Variants in PDK3 observed in about 807,000 individuals in gnomAD.
The protein encoded by PDK3 is pyruvate dehydrogenase kinase, isozyme 3.
A neutral mutation model predicts 32.0 loss-of-function variants in PDK3; 12 were observed. That is an observed-to-expected ratio of 0.37 (90% CI 0.24 to 0.61). The LOEUF (loss-of-function observed/expected upper bound fraction) is 0.61, where lower values mean the gene tolerates loss of function less well. Among genes scored for constraint, PDK3 ranks in the 20% least tolerant of loss-of-function variants. PDK3 has a pLI of 0.65. For synonymous variants in PDK3, 122 were observed against 116.3 expected (o/e 1.05, Z -0.31); for missense variants, 188 against 316.9 (o/e 0.59, Z 3.09).
chrX:24,467,354 A>G (rs1247762600), intron 1 of PDK3, among the ~76,000 whole-genome samples: 1 of 112,842 alleles, frequency 8.9e-6, no homozygotes, highest in Non-Finnish European at 1.9e-5. Flanking sequence ...AGGAAGAGGC[A>G]TGAACTTTCT....
chrX:24,520,358 C>T (rs772755434), intron 6 of PDK3, among the ~76,000 whole-genome samples: 7 of 111,563 alleles, frequency 6.3e-5, no homozygotes, highest in Non-Finnish European at 9.4e-5. Flanking sequence ...CTATGCAGCC[C>T]TTTGAAATAA....
intron 1 of PDK3, among the ~76,000 whole-genome samples, chrX:24,485,750 C>T (rs1487739908): frequency 9.0e-6 from 1 of 111,516 alleles, no homozygotes; most frequent in Non-Finnish European, 1.9e-5. Flanking sequence ...GTATTAGCGC[C>T]CACTGAAAAG....
chrX:24,478,477 A>G (rs1376163793), intron 1 of PDK3, among the ~76,000 whole-genome samples: 1 of 111,355 alleles, frequency 9.0e-6, no homozygotes, highest in East Asian at 2.8e-4. Flanking sequence ...CAAACAAAGG[A>G]AAAACTAGCA....
At chrX:24,471,701 G>A (rs975937846) in intron 1 of PDK3, among the ~76,000 whole-genome samples, 8 of 111,961 alleles carry the variant, frequency 7.1e-5, no homozygotes, top group Non-Finnish European at 1.5e-4. Context: ...CTCTTTCTCC[G>A]TATAGCTCCT....
chrX:24,535,951 GGAAGGAAAGGAAGGAAAA>G (rs1453470187), downstream of PDK3, among the ~76,000 whole-genome samples: 52 of 98,060 alleles, frequency 5.3e-4, no homozygotes, highest in African/African-American at 1.8e-3. Context: ...AGGAAAAGAA[GGAAGGAAAGGAAGGAAAA>G]GAAGGAAAGG....
intron 1 of PDK3, among the ~76,000 whole-genome samples, chrX:24,482,857 A>G (rs768473248): frequency 8.9e-6 from 1 of 112,358 alleles, no homozygotes; most frequent in Non-Finnish European, 1.9e-5. Context: ...ATCCCACTAC[A>G]CTTCAGTGTC....
At chrX:24,529,379 C>T (rs540358935) in intron 9 of PDK3, among the ~76,000 whole-genome samples, 3 of 111,574 alleles carry the variant, frequency 2.7e-5, no homozygotes, top group African/African-American at 9.8e-5. Context: ...ATGACCTTGT[C>T]CAAAGTCATT....
At chrX:24,522,630 G>T (rs948511582) in intron 6 of PDK3, among the ~76,000 whole-genome samples, 4 of 111,267 alleles carry the variant, frequency 3.6e-5, no homozygotes, top group African/African-American at 1.3e-4. Flanking sequence ...AAGGAGCCAG[G>T]CGCAATGGCT....
chrX:24,473,801 C>G, intron 1 of PDK3, among the ~76,000 whole-genome samples: 1 of 111,648 alleles, frequency 9.0e-6, no homozygotes, highest in East Asian at 2.8e-4. Context: ...ATAAACCTCT[C>G]TGGATTTTTG....
At chrX:24,541,609 A>T (rs1475106969) in exon 12 of PDK3, among the ~76,000 whole-genome samples, 2 of 112,537 alleles carry the variant, frequency 1.8e-5, no homozygotes, top group African/African-American at 3.2e-5. Flanking sequence ...TGTTTTCTTC[A>T]TTAAGAATTT....
intron 1 of PDK3, among the ~76,000 whole-genome samples, chrX:24,489,307 C>T (rs966740240): frequency 8.9e-6 from 1 of 111,975 alleles, no homozygotes; most frequent in Admixed American, 9.5e-5. Flanking sequence ...ATTAAGGTGT[C>T]TGAGTACAAA....
chrX:24,493,021 A>G (rs1231127817), intron 1 of PDK3, among the ~76,000 whole-genome samples: 3 of 109,696 alleles, frequency 2.7e-5, no homozygotes, highest in African/African-American at 9.9e-5. Context: ...AAATGACCAG[A>G]GTCATTTTAA....
intron 1 of PDK3, among the ~76,000 whole-genome samples, chrX:24,469,806 A>G (rs760019757): frequency 9.0e-6 from 1 of 111,340 alleles, no homozygotes; most frequent in East Asian, 2.8e-4. Flanking sequence ...TATAAATTTT[A>G]TTGTGTATAA....
chrX:24,507,252 C>T (rs1374251643), intron 5 of PDK3, among the ~76,000 whole-genome samples: 2 of 112,114 alleles, frequency 1.8e-5, no homozygotes, highest in Non-Finnish European at 3.8e-5. Context: ...TTCATATAAA[C>T]AAAACAATAC....
intron 1 of PDK3, among the ~76,000 whole-genome samples, chrX:24,476,827 C>G (rs1217667397): frequency 8.9e-6 from 1 of 112,104 alleles, no homozygotes; most frequent in African/African-American, 3.2e-5. Context: ...TGGCTTTTGT[C>G]CATCCACAAC....
intron 5 of PDK3, among the ~76,000 whole-genome samples, chrX:24,512,086 G>A (rs1181306444): frequency 9.0e-6 from 1 of 111,421 alleles, no homozygotes; most frequent in East Asian, 2.8e-4. Flanking sequence ...TAGCACCTTA[G>A]TATCTACCTT....
At chrX:24,489,546 G>A (rs912339856) in intron 1 of PDK3, among the ~76,000 whole-genome samples, 24 of 108,674 alleles carry the variant, frequency 2.2e-4, no homozygotes, top group Admixed American at 1.5e-3. Flanking sequence ...TTAGCTGGGC[G>A]TGGTGATGGG....
At position 24,519,008 on chromosome X, in the gene PDK3, A is replaced by G. The variant is rs200598034; in HGVS notation, c.671A>G (p.Asn224Ser). Residue 224 changes from asparagine to serine, a missense_variant and splice_region_variant, in exon 6 of 11, where the codon AAT becomes AGT. Coordinates refer to ENST00000379162, the MANE Select transcript of PDK3 (RefSeq NM_005391.5). Reference protein sequence around the residue: ...VAPELEVEEFNAKAPDKPIQV... With the variant: ...VAPELEVEEFSAKAPDKPIQV... ...CCAGAGCTGGAAGTTGAAGAATTCA[A>G]TGGTAAAAGAAAACTAATTTTAACC... 38 of 1,152,276 alleles carry G rather than the reference A, an allele frequency of 3.3e-5. No individual in the cohort carries two copies. The South Asian group carries it at 4.2e-4, about 13-fold the overall frequency. The allele number at this position is 1,152,276 out of a possible 1,213,427, so 95.0% of individuals were successfully genotyped here.
chrX:24,521,031 C>A (rs1270427571), intron 6 of PDK3, among the ~76,000 whole-genome samples: 2 of 111,133 alleles, frequency 1.8e-5, no homozygotes, highest in Non-Finnish European at 3.8e-5. Flanking sequence ...GTAATCCCAG[C>A]ACTTTGGGAG....
Sources: gnomAD v4.1 joint callset for allele counts (sites outside exome capture counted in the v4.1 genomes callset) on GRCh38, gnomAD v4.1.1 for gene constraint, MANE v1.5 for transcripts, NCBI Gene and HGNC (gene_info 2026-07-23, HGNC 2026-07-21) for gene names.